The following PDE4D variants were observed in gnomAD, a reference collection of about 807,000 sequenced individuals.
PDE4D encodes the protein phosphodiesterase 4D, also known as 3',5'-cyclic-AMP phosphodiesterase 4D.
In PDE4D, 24 loss-of-function variants were observed where a neutral mutation model predicts 87.4. The observed-to-expected ratio is 0.27, with a 90% confidence interval of 0.20 to 0.39. PDE4D has a LOEUF of 0.39. Ranked by LOEUF, PDE4D falls within the 10% of genes least tolerant of loss-of-function variation. The probability of loss-of-function intolerance (pLI) is 1.00; values close to 1 mark genes in which losing one functional copy is unlikely to be tolerated. For synonymous variants in PDE4D, 384 were observed against 383.2 expected, an observed-to-expected ratio of 1.00 and a Z score of -0.02; for missense variants, 714 against 1,041.0, an observed-to-expected ratio of 0.69 and a Z score of 4.32.
At chr5:60,054,832 C>T (rs1362953574) in intron 2 of PDE4D, among the ~76,000 whole-genome samples, 1 of 151,944 alleles carries the variant, frequency 6.6e-6, no homozygotes, top group African/African-American at 2.4e-5. Context: ...AACTAATAAA[C>T]AAAACCAGAC....
chr5:59,607,863 G>C (rs371755315), intron 1 of PDE4D, among the ~76,000 whole-genome samples: 5 of 149,102 alleles, frequency 3.4e-5, no homozygotes, highest in Non-Finnish European at 7.4e-5. Flanking sequence ...ATTAATCCAA[G>C]AGACATCACT....
Position 60,343,621 on chromosome 5 carries a change from A to C in PDE4D, c.-90+144321T>G, listed in dbSNP as rs149516547. Among the ~76,000 whole-genome samples the C allele has an allele frequency of 6.4e-3, 978 of 152,236 alleles. 7 individuals are homozygous for C. The highest frequency in any genetic ancestry group is 0.023 in the African/African-American group (943 of 41,564). ...TCTGTATTAAAGAGAGGCAATGCAG[A>C]GTCCCTTGTCAGTTGACTTCTGGCT... On this transcript the variant is annotated intron_variant, in intron 1 of 16. Transcript: ENST00000502484.
At chr5:59,457,761 G>T (rs1800151528) in intron 1 of PDE4D, among the ~76,000 whole-genome samples, 1 of 152,068 alleles carries the variant, frequency 6.6e-6, no homozygotes, top group African/African-American at 2.4e-5. Context: ...TGGGCATGGT[G>T]GTGGGCGCTT....
chr5:60,102,370 T>C (rs911319186), intron 2 of PDE4D, among the ~76,000 whole-genome samples: 2 of 152,186 alleles, frequency 1.3e-5, no homozygotes, highest in African/African-American at 4.8e-5. Flanking sequence ...ACCAAGCCTT[T>C]TGAATTGTGA....
At chr5:59,961,284 A>G (rs1399213995) in intron 3 of PDE4D, among the ~76,000 whole-genome samples, 1 of 150,674 alleles carries the variant, frequency 6.6e-6, no homozygotes, top group Admixed American at 6.7e-5. Context: ...GAAAAAGAGA[A>G]GACACAGAGA....
intron 3 of PDE4D, among the ~76,000 whole-genome samples, chr5:59,914,316 C>G (rs1483721671): frequency 5.9e-5 from 9 of 151,882 alleles, no homozygotes; most frequent in Non-Finnish European, 1.3e-4. Flanking sequence ...AGGTAAGGAG[C>G]CTGGGAGAGG....
chr5:59,361,698 A>G (rs543591859), intron 1 of PDE4D, among the ~76,000 whole-genome samples: 1 of 152,274 alleles, frequency 6.6e-6, no homozygotes, highest in African/African-American at 2.4e-5. Context: ...AGACCTAAAC[A>G]CTATGAGAAC....
intron 5 of PDE4D, among the ~76,000 whole-genome samples, chr5:59,055,042 A>G (rs1311064420): frequency 2.6e-5 from 4 of 152,190 alleles, no homozygotes; most frequent in Non-Finnish European, 5.9e-5. Context: ...AAGTTTACCA[A>G]CAGAACACAT....
At chr5:59,392,601 T>G (rs554456256) in intron 1 of PDE4D, among the ~76,000 whole-genome samples, 1 of 151,942 alleles carries the variant, frequency 6.6e-6, no homozygotes, top group Admixed American at 6.6e-5. Flanking sequence ...AAAGTCTAAT[T>G]TCTGTGTTCT....
rs551482445 is a variant in PDE4D, at chr5:59,250,503, A to G, written c.456-34535T>C. Among the ~76,000 whole-genome samples the G allele has an allele frequency of 2.1e-3, 322 of 151,694 alleles. 1 individual carries two copies. The highest frequency in any genetic ancestry group is 7.5e-3 in the African/African-American group (311 of 41,442). ...GCAAGATCCTGCCTCGAAAAAAAAAAAAAGAAAGAAAGAAAAGAAAAAAAG... is the reference window on the plus strand; with the variant it reads ...GCAAGATCCTGCCTCGAAAAAAAAAGAAAGAAAGAAAGAAAAGAAAAAAAG... On this transcript the variant is annotated intron_variant, in intron 1 of 14. Transcript: ENST00000340635.
Position 59,348,284 on chromosome 5 carries a change from T to C in PDE4D, c.456-132316A>G, listed in dbSNP as rs10472107. Among the ~76,000 whole-genome samples, 1,003 of 152,308 alleles carry C rather than the reference T, an allele frequency of 6.6e-3. 11 individuals are homozygous for C. The highest frequency in any genetic ancestry group is 0.023 in the African/African-American group (972 of 41,564). ...TGTATTATTATGTTTTTGGGGCAACTTATATCTACTGTATCTATATGATAG... is the reference window on the plus strand; with the variant it reads ...TGTATTATTATGTTTTTGGGGCAACCTATATCTACTGTATCTATATGATAG... On this transcript the variant is annotated intron_variant, in intron 1 of 14. Coordinates refer to ENST00000340635, the MANE Select transcript of PDE4D (RefSeq NM_001104631.2).
intron 6 of PDE4D, among the ~76,000 whole-genome samples, chr5:59,032,496 T>C (rs1417602302): frequency 1.3e-5 from 2 of 152,122 alleles, no homozygotes; most frequent in East Asian, 3.9e-4. Flanking sequence ...GGAGAATTGC[T>C]TGAACTTGGG....
intron 1 of PDE4D, among the ~76,000 whole-genome samples, chr5:60,187,067 T>C (rs1186668794): frequency 1.3e-5 from 2 of 152,156 alleles, no homozygotes; most frequent in African/African-American, 4.8e-5. Flanking sequence ...TGGATGCAAC[T>C]TGGGGACTCA....
chr5:59,915,553 T>C (rs1031849549), intron 3 of PDE4D, among the ~76,000 whole-genome samples: 1 of 152,224 alleles, frequency 6.6e-6, no homozygotes, highest in African/African-American at 2.4e-5. Context: ...TTTTACAGTT[T>C]GTTTTGAGAA....
At chr5:60,500,656 T>C (rs1379994477) in intron 1 of PDE4D, among the ~76,000 whole-genome samples, 1 of 152,218 alleles carries the variant, frequency 6.6e-6, no homozygotes, top group East Asian at 1.9e-4. Flanking sequence ...TGAACATACA[T>C]ATGAAGTTTA....
intron 1 of PDE4D, among the ~76,000 whole-genome samples, chr5:59,297,566 T>C (rs761996463): frequency 3.9e-4 from 59 of 152,148 alleles, no homozygotes; most frequent in Admixed American, 1.7e-3. Flanking sequence ...TATGTGAATT[T>C]TTTTTTAAAC....
intron 2 of PDE4D, among the ~76,000 whole-genome samples, chr5:60,121,806 T>G (rs143249012): frequency 6.6e-6 from 1 of 152,272 alleles, no homozygotes; most frequent in Non-Finnish European, 1.5e-5. Flanking sequence ...CTTAACTCAT[T>G]TCAGCATTAA....
chr5:59,261,311 AC>A (rs1761972191), intron 1 of PDE4D, among the ~76,000 whole-genome samples: 1 of 151,858 alleles, frequency 6.6e-6, no homozygotes, highest in Non-Finnish European at 1.5e-5. Flanking sequence ...TAATGGCCTT[AC>A]TTATTAATGC....
chr5:59,313,115 T>C (rs1773017988), intron 1 of PDE4D, among the ~76,000 whole-genome samples: 1 of 152,124 alleles, frequency 6.6e-6, no homozygotes, highest in Non-Finnish European at 1.5e-5. Context: ...GACATCATCA[T>C]TAAAGGAACA....
Sources: allele counts gnomAD v4.1 joint callset (sites outside exome capture counted in the v4.1 genomes callset), GRCh38; gene constraint gnomAD v4.1.1; transcripts MANE v1.5; gene names NCBI Gene and HGNC (gene_info 2026-07-23, HGNC 2026-07-21).